The following HTR1F variants were observed in gnomAD, a reference collection of about 807,000 sequenced individuals.
HTR1F encodes 5-hydroxytryptamine (serotonin) receptor 1F, G protein-coupled.
HTR1F carries 17 observed loss-of-function variants against 24.0 expected under a neutral mutation model. The ratio of observed to expected loss-of-function variants is 0.71; its 90% CI spans 0.48 to 1.06. The LOEUF is 1.06. Ranked by LOEUF, HTR1F falls within the 50% of genes least tolerant of loss-of-function variation. HTR1F has a pLI of 0.00. For missense variants in HTR1F, 391 were observed against 427.8 expected, an observed-to-expected ratio of 0.91 and a Z score of 0.76; for synonymous variants, 186 against 156.8, an observed-to-expected ratio of 1.19 and a Z score of -1.39.
At chr3:87,970,972 T>G (rs1362251103) in intron 2 of HTR1F, among the ~76,000 whole-genome samples, 2 of 152,204 alleles carry the variant, frequency 1.3e-5, no homozygotes, top group African/African-American at 4.8e-5. Context: ...TTCCTTCCTA[T>G]AGCAACTCTG....
intron 2 of HTR1F, among the ~76,000 whole-genome samples, chr3:87,967,617 G>A (rs920289793): frequency 1.3e-5 from 2 of 151,632 alleles, no homozygotes; most frequent in African/African-American, 4.9e-5. Flanking sequence ...TTCCTGTGCT[G>A]TTCTCATGAT....
rs868579366 is a variant in HTR1F at position 87,928,096 on chromosome 3, A to C, written c.-42-62612A>C. Among the ~76,000 whole-genome samples, 22 of 145,886 alleles carry C rather than the reference A, an allele frequency of 1.5e-4. No individual in the cohort carries two copies. The South Asian group carries it at 4.6e-3, about 30-fold the overall frequency. ...AGTCTTGCTCTGTCACCCAGGCTGGAGTGCAGTGGTGCAATCTCAGCTCAC... is the reference window on the plus strand; with the variant it reads ...AGTCTTGCTCTGTCACCCAGGCTGGCGTGCAGTGGTGCAATCTCAGCTCAC... On this transcript the variant is annotated intron_variant, in intron 2 of 2. Coordinates refer to ENST00000319595, the MANE Select transcript of HTR1F (RefSeq NM_001322209.2).
At chr3:87,925,060 CT>C (rs60994421) in intron 2 of HTR1F, among the ~76,000 whole-genome samples, 67 of 148,446 alleles carry the variant, frequency 4.5e-4, no homozygotes, top group Admixed American at 8.8e-4. Context: ...TTTATTCATT[CT>C]TTTTTTTTTG....
rs544753679 is a variant in HTR1F, at chr3:87,943,437, A to C, written c.-42-47271A>C. 1.2e-3 allele frequency among the ~76,000 whole-genome samples: 183 copies of C among 152,206 alleles called. 1 individual carries two copies. Among genetic ancestry groups the C allele is most frequent in the Non-Finnish European group, 2.4e-3 (161 of 68,038 alleles). On this transcript the variant is annotated intron_variant, in intron 2 of 2. Transcript: ENST00000319595. ...TTAAGTTCGAGAGAGAAAAAGGTAC[A>C]TGCACTCTGGCTGGGCCAAATTCTC... is the stretch of plus-strand genomic sequence containing the variant.
intron 2 of HTR1F, among the ~76,000 whole-genome samples, chr3:87,888,241 C>A (rs543061210): frequency 1.3e-5 from 2 of 152,154 alleles, no homozygotes; most frequent in South Asian, 2.1e-4. Flanking sequence ...ACACTGCATT[C>A]TTTCACTCAT....
chr3:87,974,904 G>T (rs1016455945), intron 2 of HTR1F, among the ~76,000 whole-genome samples: 27 of 152,218 alleles, frequency 1.8e-4, no homozygotes, highest in African/African-American at 5.1e-4. Context: ...ATGTTCTCCA[G>T]TATTTTTTAA....
intron 2 of HTR1F, among the ~76,000 whole-genome samples, chr3:87,846,024 C>T (rs574079794): frequency 2.0e-5 from 3 of 152,008 alleles, no homozygotes; most frequent in East Asian, 3.9e-4. Flanking sequence ...TGCTAGCCAT[C>T]TTCTAGGGCT....
chr3:87,869,256 C>T (rs1705492577), intron 2 of HTR1F, among the ~76,000 whole-genome samples: 1 of 151,844 alleles, frequency 6.6e-6, no homozygotes, highest in African/African-American at 2.4e-5. Flanking sequence ...CAAATAGGTC[C>T]TTGTAAGATA....
intron 2 of HTR1F, among the ~76,000 whole-genome samples, chr3:87,889,598 G>C (rs764084724): frequency 1.3e-5 from 2 of 152,120 alleles, no homozygotes; most frequent in Non-Finnish European, 2.9e-5. Context: ...ATGCTACAAG[G>C]AAAATGTTAG....
intron 1 of HTR1F, among the ~76,000 whole-genome samples, chr3:87,812,199 C>A (rs1704171908): frequency 6.6e-6 from 1 of 152,076 alleles, no homozygotes; most frequent in Admixed American, 6.5e-5. Context: ...AACTTTGGAA[C>A]TGGGTAATGG....
chr3:87,880,843 G>C (rs1224135651), intron 2 of HTR1F, among the ~76,000 whole-genome samples: 2 of 152,176 alleles, frequency 1.3e-5, no homozygotes, highest in Non-Finnish European at 2.9e-5. Flanking sequence ...AACGTAAACA[G>C]TTGTAAACTG....
chr3:87,854,304 T>C (rs1341436734), intron 2 of HTR1F, among the ~76,000 whole-genome samples: 1 of 152,060 alleles, frequency 6.6e-6, no homozygotes, highest in Non-Finnish European at 1.5e-5. Context: ...TATTTATTTG[T>C]GTCTTATCTA....
intron 2 of HTR1F, among the ~76,000 whole-genome samples, chr3:87,970,502 G>A (rs1705263060): frequency 6.6e-6 from 1 of 152,160 alleles, no homozygotes; most frequent in African/African-American, 2.4e-5. Context: ...CTGAGCGAGG[G>A]CCACACAGGG....
chr3:87,901,089 C>A (rs1368318255), intron 2 of HTR1F, among the ~76,000 whole-genome samples: 1 of 152,098 alleles, frequency 6.6e-6, no homozygotes, highest in Non-Finnish European at 1.5e-5. Context: ...CGCAACAGTG[C>A]AATTATTTTA....
intron 2 of HTR1F, among the ~76,000 whole-genome samples, chr3:87,890,530 G>T (rs1451603275): frequency 3.4e-5 from 5 of 146,266 alleles, no homozygotes; most frequent in Admixed American, 6.9e-5. Context: ...GTGAAATTTA[G>T]CTCCTGATGC....
intron 2 of HTR1F, among the ~76,000 whole-genome samples, chr3:87,923,741 T>A (rs1704062102): frequency 6.6e-6 from 1 of 152,086 alleles, no homozygotes; most frequent in Non-Finnish European, 1.5e-5. Flanking sequence ...TTTTTCTGCA[T>A]CTGTTGAGAA....
At chr3:87,866,866 C>T (rs1214605581) in intron 2 of HTR1F, among the ~76,000 whole-genome samples, 1 of 149,064 alleles carries the variant, frequency 6.7e-6, no homozygotes, top group Non-Finnish European at 1.5e-5. Flanking sequence ...GTTCAGGGAG[C>T]AGTTGTTAAG....
intron 2 of HTR1F, among the ~76,000 whole-genome samples, chr3:87,901,620 G>C (rs1706325147): frequency 6.6e-6 from 1 of 151,918 alleles, no homozygotes; most frequent in Non-Finnish European, 1.5e-5. Context: ...GACAAATGTA[G>C]AGAATGAAAT....
chr3:87,919,855 A>G (rs1282728887), intron 2 of HTR1F, among the ~76,000 whole-genome samples: 1 of 151,942 alleles, frequency 6.6e-6, no homozygotes, highest in Non-Finnish European at 1.5e-5. Context: ...TGATCCAGCA[A>G]TCCCACTACT....
Sources: gnomAD v4.1 joint callset for allele counts (sites outside exome capture counted in the v4.1 genomes callset) on GRCh38, gnomAD v4.1.1 for gene constraint, MANE v1.5 for transcripts, NCBI Gene and HGNC (gene_info 2026-07-23, HGNC 2026-07-21) for gene names.